AUTS2: variants seen among roughly 807,000 people sequenced by gnomAD.
AUTS2 encodes activator of transcription and developmental regulator AUTS2, also known as autism susceptibility gene 2 protein.
In AUTS2, 17 loss-of-function variants were observed where a neutral mutation model predicts 112.4. The observed-to-expected ratio is 0.15, with a 90% CI of 0.10 to 0.23. AUTS2 has a LOEUF of 0.23. Among genes scored for constraint, AUTS2 ranks in the 10% least tolerant of loss-of-function variants. The pLI is 1.00. For missense variants in AUTS2, 1,510 were observed against 1,701.6 expected (o/e 0.89, Z 1.98); for synonymous variants, 751 against 702.7 (o/e 1.07, Z -1.09).
At chr7:69,846,059 C>A (rs908136426) in intron 1 of AUTS2, among the ~76,000 whole-genome samples, 31 of 151,966 alleles carry the variant, frequency 2.0e-4, no homozygotes, top group Admixed American at 2.0e-4. Context: ...CCTCTTTTCT[C>A]ACTCTCAAGT....
chr7:69,873,089 C>T (rs574264876), intron 1 of AUTS2, among the ~76,000 whole-genome samples: 16 of 151,840 alleles, frequency 1.1e-4, no homozygotes, highest in Admixed American at 7.2e-4. Context: ...CTGATCCGCC[C>T]GCCTCAGCCT....
rs568766519 is a variant in AUTS2, at chr7:70,087,335, A to G, written c.523-30797A>G. Reference sequence around the variant, plus strand: ...AGTATATTAAAAATTATTCGTATATATATAGTTGAACTTAATTAGCCTGTC... The same window carrying G: ...AGTATATTAAAAATTATTCGTATATGTATAGTTGAACTTAATTAGCCTGTC... On this transcript the variant is annotated intron_variant, in intron 2 of 18. Transcript: ENST00000342771. 5.3e-5 allele frequency among the ~76,000 whole-genome samples: 8 copies of G among 150,592 alleles called. No individual in the cohort carries two copies. In the South Asian group the frequency reaches 1.7e-3, roughly 32 times the overall value.
chr7:70,496,848 G>C (rs1585218327), intron 5 of AUTS2, among the ~76,000 whole-genome samples: 1 of 58,590 alleles, frequency 1.7e-5, no homozygotes. Context: ...CACGTACACA[G>C]TCACACACAC....
chr7:70,689,895 T>C (rs1008968802), intron 5 of AUTS2, among the ~76,000 whole-genome samples: 13 of 152,110 alleles, frequency 8.5e-5, no homozygotes, highest in Non-Finnish European at 1.6e-4. Context: ...ATTATTGTGG[T>C]GATCCCCACT....
intron 5 of AUTS2, among the ~76,000 whole-genome samples, chr7:70,515,311 G>C (rs1446679384): frequency 1.3e-5 from 2 of 152,170 alleles, no homozygotes; most frequent in Non-Finnish European, 2.9e-5. Flanking sequence ...AGAGGCTTTT[G>C]CAAGAATCCA....
intron 5 of AUTS2, among the ~76,000 whole-genome samples, chr7:70,493,230 T>A (rs1798319030): frequency 6.6e-6 from 1 of 152,170 alleles, no homozygotes; most frequent in South Asian, 2.1e-4. Context: ...GGGGAAAATG[T>A]TATATGAGCC....
chr7:70,134,757 G>C (rs981636117), intron 4 of AUTS2, among the ~76,000 whole-genome samples, 186 bp downstream of exon 4: 10 of 152,122 alleles, frequency 6.6e-5, no homozygotes, highest in African/African-American at 2.4e-4. Context: ...GGGCCCTAGG[G>C]ATCTTAAGTA....
At chr7:69,725,075 C>A (rs1024322864) in intron 1 of AUTS2, among the ~76,000 whole-genome samples, 1 of 152,172 alleles carries the variant, frequency 6.6e-6, no homozygotes, top group Non-Finnish European at 1.5e-5. Flanking sequence ...TAAATTCTAA[C>A]TGCAGACTTA....
At chr7:70,439,555 A>C (rs1323349011) in intron 5 of AUTS2, among the ~76,000 whole-genome samples, 2 of 142,970 alleles carry the variant, frequency 1.4e-5, no homozygotes, top group Non-Finnish European at 3.2e-5. Flanking sequence ...AAAAAAAAAA[A>C]AAAAAAGATA....
chr7:70,476,879 C>T (rs1304101076), intron 5 of AUTS2, among the ~76,000 whole-genome samples: 1 of 152,218 alleles, frequency 6.6e-6, no homozygotes, highest in East Asian at 1.9e-4. Flanking sequence ...TATATCCCTT[C>T]CTGAGCCACA....
At chr7:70,495,210 C>T (rs999797070) in intron 5 of AUTS2, among the ~76,000 whole-genome samples, 1 of 147,686 alleles carries the variant, frequency 6.8e-6, no homozygotes, top group African/African-American at 2.5e-5. Flanking sequence ...TAAGCAAGCT[C>T]CTCTCCTGTG....
At chr7:70,386,064 G>T (rs909044872) in intron 4 of AUTS2, among the ~76,000 whole-genome samples, 4 of 152,178 alleles carry the variant, frequency 2.6e-5, no homozygotes, top group Admixed American at 1.3e-4. Context: ...ATGCTTTTCA[G>T]GTGGCTTAGA....
chr7:70,236,323 A>C (rs530799512), intron 4 of AUTS2, among the ~76,000 whole-genome samples: 1 of 152,290 alleles, frequency 6.6e-6, no homozygotes, highest in African/African-American at 2.4e-5. Context: ...ATCTCTAATG[A>C]GATAGTACAG....
rs61076536 is a variant in AUTS2, at chr7:70,117,104, G to GTTTTT, written c.523-1020_523-1016dup. ...ACGTAAACTTCATGAGATGACTTTT[G>GTTTTT]TTTTTTTTTTTTGTTTTTTTTTGTT... On this transcript the variant is annotated intron_variant, in intron 2 of 18. Transcript: ENST00000342771. Among the ~76,000 whole-genome samples the GTTTTT allele has an allele frequency of 1.3e-4, 10 of 78,432 alleles. 1 individual carries two copies. The highest frequency in any genetic ancestry group is 4.8e-4 in the African/African-American group (10 of 20,700). 51.5% of individuals were successfully genotyped at this position (78,432 alleles called of 152,430 possible).
intron 5 of AUTS2, among the ~76,000 whole-genome samples, chr7:70,616,282 G>C (rs535127578): frequency 1.3e-5 from 2 of 152,178 alleles, no homozygotes; most frequent in Non-Finnish European, 2.9e-5. Context: ...CAGTTGGGAA[G>C]CATGCTCACC....
At chr7:70,487,274 C>G (rs12154972) in intron 5 of AUTS2, among the ~76,000 whole-genome samples, 7,694 of 152,078 alleles carry the variant, frequency 0.051, 244 homozygotes, top group African/African-American at 0.089. Flanking sequence ...CCAACACTGG[C>G]GATGTTGCAT....
rs192529877 is a variant in AUTS2, at chr7:70,083,107, A to G, written c.523-35025A>G. ...TTTAATAATGATTCCTCCCCTCATGATTGTGCTCAGGGCCCTCTCTTTCCC... is the reference window on the plus strand; with the variant it reads ...TTTAATAATGATTCCTCCCCTCATGGTTGTGCTCAGGGCCCTCTCTTTCCC... On this transcript the variant is annotated intron_variant, in intron 2 of 18. Coordinates refer to ENST00000342771, the MANE Select transcript of AUTS2 (RefSeq NM_015570.4). Among the ~76,000 whole-genome samples the G allele has an allele frequency of 3.3e-5, 5 of 152,134 alleles. No individual in the cohort carries two copies. In the East Asian group the frequency reaches 9.7e-4, roughly 29 times the overall value.
intron 4 of AUTS2, among the ~76,000 whole-genome samples, chr7:70,425,372 A>G (rs1435275988): frequency 6.6e-6 from 1 of 152,212 alleles, no homozygotes; most frequent in Non-Finnish European, 1.5e-5. Context: ...CCTGAAGGTG[A>G]TTCAAGCCAG....
chr7:70,335,458 A>G (rs73440720), intron 4 of AUTS2, among the ~76,000 whole-genome samples: 2,524 of 152,260 alleles, frequency 0.017, 85 homozygotes, highest in African/African-American at 0.058. Context: ...ATCTTTGTCC[A>G]TGGCCATACT....
Sources: allele counts gnomAD v4.1 joint callset (sites outside exome capture counted in the v4.1 genomes callset), GRCh38; gene constraint gnomAD v4.1.1; transcripts MANE v1.5; gene names NCBI Gene and HGNC (gene_info 2026-07-23, HGNC 2026-07-21).